FKBP4: variants seen among roughly 807,000 people sequenced by gnomAD.
FKBP4 encodes FKBP prolyl isomerase 4.
A neutral mutation model predicts 54.1 loss-of-function variants in FKBP4; 28 were observed. The observed-to-expected ratio is 0.52, with a 90% CI of 0.38 to 0.71. The LOEUF is 0.71. FKBP4 is among the 30% of genes least tolerant of loss of function. The pLI, the probability that FKBP4 is intolerant of heterozygous loss-of-function variation, is 0.00. For synonymous variants in FKBP4, 223 were observed against 216.1 expected (o/e 1.03, Z -0.28); for missense variants, 493 against 574.4 (o/e 0.86, Z 1.45).
intron 1 of FKBP4, chr12:2,796,597 G>T: frequency 8.5e-7 from 1 of 1,175,002 alleles, no homozygotes; most frequent in South Asian, 1.7e-5. Context: ...GAGCCTCCGG[G>T]TTCACCTATA....
In FKBP4 at chr12:2,800,091, T is replaced by C. The variant is rs761345277; in HGVS notation, c.815T>C (p.Ile272Thr). Residue 272 changes from isoleucine to threonine, a missense_variant, in exon 7 of 10, where the codon ATA becomes ACA. Physicochemically the swap from Ile to Thr is moderately conservative, Grantham distance 89. Transcript: ENST00000001008. ...NSEEKLEQST[I>T]VKERGTVYFK... ...GAAGAGAAGCTGGAACAGAGCACCA[T>C]AGTGAAAGAGCGGGGCACTGTGTAC... 6.8e-6 allele frequency: 11 copies of C among 1,613,820 alleles called. No homozygotes were observed. The highest frequency in any genetic ancestry group is 9.3e-6 in the Non-Finnish European group (11 of 1,180,016).
chr12:2,795,478 CCCAGGCT>C lies in FKBP4; in HGVS notation c.105+237_105+243del, dbSNP rs1436427184. ...GCGGCCTAGGTGCGCGGGCCGAGGCCCCAGGCTCCCCAGCCGGCAGCGCCCGGGCCCG... is the reference window on the plus strand; with the variant it reads ...GCGGCCTAGGTGCGCGGGCCGAGGCCCCCCAGCCGGCAGCGCCCGGGCCCG... On this transcript the variant is annotated intron_variant, in intron 1 of 9. Transcript: ENST00000001008. This position sits in a 1 kb window ranked among gnomAD's most constrained non-coding sequence, Gnocchi z 4.3. 6.8e-6 allele frequency among the ~76,000 whole-genome samples: 1 copy of C among 146,950 alleles called. No homozygotes were observed. Among genetic ancestry groups the C allele is most frequent in the Non-Finnish European group, 1.5e-5 (1 of 65,952 alleles).
chr12:2,802,783 A>G (rs559713229), intron 9 of FKBP4, among the ~76,000 whole-genome samples: 2 of 152,212 alleles, frequency 1.3e-5, no homozygotes, highest in Non-Finnish European at 2.9e-5. Flanking sequence ...GCTGGAGTGC[A>G]GTGGCACAGT....
At chr12:2,799,982 C>T (rs778317201) in intron 6 of FKBP4, 42 bp downstream of exon 6, 3 of 1,612,070 alleles carry the variant, frequency 1.9e-6, no homozygotes, top group Non-Finnish European at 8.5e-7. Flanking sequence ...TCAAGTTCCA[C>T]CCTGTACGTG....
Position 2,796,939 on chromosome 12 carries a change from T to TG in FKBP4, c.106-198dup, listed in dbSNP as rs1326898300. 21 of 1,369,938 alleles carry TG rather than the reference T, an allele frequency of 1.5e-5. No individual in the cohort carries two copies. In the East Asian group the frequency reaches 5.5e-4, roughly 36 times the overall value. The allele number at this position is 1,369,938 out of a possible 1,614,324, so 84.9% of individuals were successfully genotyped here. ...TTGTCTCCTTTTTCAAACCAAGTCT[T>TG]GCTGCACCTCAAGAAAGACAAGAAG... On this transcript the variant is annotated intron_variant, in intron 1 of 9. Transcript: ENST00000001008.
rs968351056 is a variant in FKBP4, at chr12:2,795,352, T to C, written c.105+108T>C. The stretch of plus-strand genomic sequence containing the variant: ...GGGCACGGGTCGAGGCGGCCGCCTT[T>C]GCAGCCTCGCGGCCGTCCCGCCGGG... On this transcript the variant is annotated intron_variant, in intron 1 of 9. Coordinates refer to ENST00000001008, the MANE Select transcript of FKBP4 (RefSeq NM_002014.4). This position sits in a 1 kb window ranked among gnomAD's most constrained non-coding sequence, Gnocchi z 4.3. 1 of 373,210 alleles carries C rather than the reference T, an allele frequency of 2.7e-6. No homozygotes were observed. The highest frequency in any genetic ancestry group is 3.9e-6 in the Non-Finnish European group (1 of 256,624). The allele number at this position is 373,210 out of a possible 1,614,324, so 23.1% of individuals were successfully genotyped here. A position where few individuals can be genotyped will look rare whatever the true frequency, so the allele number is the denominator to read the frequency against.
Position 2,804,658 on chromosome 12 carries a change from A to C in FKBP4, c.*1400A>C, listed in dbSNP as rs1033333563. ...ACTGTGAGCTCTCCAGTCCTTTCCCAACAGCGATGTGGTTGTCTGCTTAGC... is the reference window on the plus strand; with the variant it reads ...ACTGTGAGCTCTCCAGTCCTTTCCCCACAGCGATGTGGTTGTCTGCTTAGC... On this transcript the variant is annotated 3_prime_UTR_variant, in exon 10 of 10. Coordinates refer to ENST00000001008, the MANE Select transcript of FKBP4 (RefSeq NM_002014.4). 1 of 152,802 alleles carries C rather than the reference A, an allele frequency of 6.5e-6. No homozygotes were observed. The highest frequency in any genetic ancestry group is 2.4e-5 in the African/African-American group (1 of 41,416). The allele number at this position is 152,802 out of a possible 1,614,324, so 9.5% of individuals were successfully genotyped here. A position where few individuals can be genotyped will look rare whatever the true frequency, so the allele number is the denominator to read the frequency against.
At chr12:2,797,620 A>C (rs1236667635) in intron 2 of FKBP4, 109 bp from the exon 3 acceptor site, 2 of 1,351,546 alleles carry the variant, frequency 1.5e-6, no homozygotes, top group East Asian at 4.7e-5. Flanking sequence ...CCATTTCTAA[A>C]GGATGTCCAG....
chr12:2,795,374 C>A lies in FKBP4; in HGVS notation c.105+130C>A. On this transcript the variant is annotated intron_variant, in intron 1 of 9. Transcript: ENST00000001008. This position sits in a 1 kb window ranked among gnomAD's most constrained non-coding sequence, Gnocchi z 4.3. ...CTTTGCAGCCTCGCGGCCGTCCCGC[C>A]GGGGGCCGGTGGCATCGCCGTCCCG... 4.1e-6 allele frequency: 1 copy of A among 244,406 alleles called. No individual in the cohort carries two copies. The highest frequency in any genetic ancestry group is 6.8e-6 in the Non-Finnish European group (1 of 148,108). The allele number at this position is 244,406 out of a possible 1,614,324, so 15.1% of individuals were successfully genotyped here. A position where few individuals can be genotyped will look rare whatever the true frequency, so the allele number is the denominator to read the frequency against.
At position 2,798,874 on chromosome 12, in the gene FKBP4, C is replaced by T. The variant is rs764994532; in HGVS notation, c.514+48C>T. 1 of 1,594,802 alleles carries T rather than the reference C, an allele frequency of 6.3e-7. No homozygotes were observed. The highest frequency in any genetic ancestry group is 8.6e-7 in the Non-Finnish European group (1 of 1,163,416). ...TTCAATTCTCATTCTGATATTTAGG[C>T]CTTGTGTGGCTTTGGGCAAGACACT... On this transcript the variant is annotated intron_variant, in intron 4 of 9. Coordinates refer to ENST00000001008, the MANE Select transcript of FKBP4 (RefSeq NM_002014.4). This position sits in a 1 kb window ranked among gnomAD's most constrained non-coding sequence, Gnocchi z 4.3.
At chr12:2,800,254 T>C (rs1603481574) in intron 7 of FKBP4, 132 bp downstream of exon 7, 3 of 1,352,054 alleles carry the variant, frequency 2.2e-6, no homozygotes, top group Non-Finnish European at 3.1e-6. Context: ...ACTTCATATA[T>C]GTGAGCTTGC....
intron 8 of FKBP4, 80 bp downstream of exon 8, chr12:2,800,657 T>TAG: frequency 7.1e-7 from 1 of 1,408,972 alleles, no homozygotes; most frequent in Non-Finnish European, 9.5e-7. Flanking sequence ...AAACTTCCCC[T>TAG]TGGTGACTAG....
chr12:2,798,673 T>C lies in FKBP4; in HGVS notation c.394-33T>C, dbSNP rs2097903170. ...GTGTTTCACTGCCCATGAGTTAGCATGGGAAGGAATTGTGTCACATCTTGT... is the reference window on the plus strand; with the variant it reads ...GTGTTTCACTGCCCATGAGTTAGCACGGGAAGGAATTGTGTCACATCTTGT... On this transcript the variant is annotated intron_variant, in intron 3 of 9. Coordinates refer to ENST00000001008, the MANE Select transcript of FKBP4 (RefSeq NM_002014.4). This position sits in a 1 kb window ranked among gnomAD's most constrained non-coding sequence, Gnocchi z 4.3. 1 of 1,612,190 alleles carries C rather than the reference T, an allele frequency of 6.2e-7. No homozygotes were observed. The highest frequency in any genetic ancestry group is 8.5e-7 in the Non-Finnish European group (1 of 1,179,640).
At position 2,803,401 on chromosome 12, in the gene FKBP4, G is replaced by A; in HGVS notation, c.*143G>A. ...GGTTGGATGGTGGCTTTAGGGGAAG[G>A]GGGAAAGGTGTAGGCTGGGGGATTG... On this transcript the variant is annotated 3_prime_UTR_variant, in exon 10 of 10. Transcript: ENST00000001008. The A allele has an allele frequency of 1.6e-6, 1 of 638,160 alleles. No homozygotes were observed. The highest frequency in any genetic ancestry group is 2.6e-5 in the Admixed American group (1 of 39,134). 39.5% of individuals were successfully genotyped at this position (638,160 alleles called of 1,614,324 possible).
rs1220111070 is a variant in FKBP4, at chr12:2,801,253, A to G, written c.1169A>G (p.Lys390Arg). ...CTCTACCCCAACAACAAAGCCGCCA[A>G]GACCCAGCTGGCTGTGTGCCAGCAG... ...LQLYPNNKAA[K>R]TQLAVCQQRI... is the part of the protein sequence containing the mutation. The change falls in exon 9 of 10, where the codon AAG becomes AGG. Residue 390 changes from lysine (K) to arginine (R), a missense_variant. Coordinates refer to ENST00000001008, the MANE Select transcript of FKBP4 (RefSeq NM_002014.4). The G allele has an allele frequency of 1.9e-6, 3 of 1,613,586 alleles. No homozygotes were observed. The highest frequency in any genetic ancestry group is 3.3e-5 in the Admixed American group (2 of 60,008).
intron 2 of FKBP4, 34 bp downstream of exon 2, chr12:2,797,316 C>A: frequency 3.1e-6 from 5 of 1,611,418 alleles, no homozygotes; most frequent in South Asian, 1.1e-5. Flanking sequence ...AGGATAGGTT[C>A]GAGGTGGACA....
intron 8 of FKBP4, 65 bp downstream of exon 8, chr12:2,800,642 G>A (rs1037871427): frequency 2.0e-6 from 3 of 1,474,954 alleles, no homozygotes; most frequent in Non-Finnish European, 2.7e-6. Context: ...CTGCCAGCAT[G>A]TCTGAAACTT....
intron 7 of FKBP4, 129 bp downstream of exon 7, chr12:2,800,251 A>T: frequency 7.4e-7 from 1 of 1,352,864 alleles, no homozygotes; most frequent in Non-Finnish European, 1.0e-6. Context: ...TTCACTTCAT[A>T]TATGTGAGCT....
chr12:2,795,419 A>C lies in FKBP4; in HGVS notation c.105+175A>C, dbSNP rs528998586. Among the ~76,000 whole-genome samples the C allele has an allele frequency of 3.0e-4, 45 of 147,568 alleles. No homozygotes were observed. In the South Asian group the frequency reaches 8.9e-3, roughly 29 times the overall value. On this transcript the variant is annotated intron_variant, in intron 1 of 9. Coordinates refer to ENST00000001008, the MANE Select transcript of FKBP4 (RefSeq NM_002014.4). The surrounding 1 kb of genome is among the most constrained non-coding windows in gnomAD (Gnocchi z 4.3). ...GTCCCGGACCGGGCTGCGTCGTTTA[A>C]GGCACCGAGGCCGGCCATGCGCTCG...
Sources: allele counts gnomAD v4.1 joint callset (sites outside exome capture counted in the v4.1 genomes callset), GRCh38; gene constraint gnomAD v4.1.1; non-coding constraint Gnocchi (gnomAD v3.1); transcripts MANE v1.5; gene names NCBI Gene and HGNC (gene_info 2026-07-23, HGNC 2026-07-21).